DAB1: variants seen among roughly 807,000 people sequenced by gnomAD.
DAB1 encodes DAB adaptor protein 1, also known as disabled homolog 1.
A neutral mutation model predicts 64.6 loss-of-function variants in DAB1; 15 were observed. The observed-to-expected ratio is 0.23, with a 90% CI of 0.16 to 0.36. The LOEUF is 0.36. Ranked by LOEUF, DAB1 falls within the 10% of genes least tolerant of loss-of-function variation. DAB1 has a pLI of 1.00. For synonymous variants in DAB1, 235 were observed against 251.9 expected (o/e 0.93, Z 0.64); for missense variants, 596 against 706.7 (o/e 0.84, Z 1.78).
At chr1:57,667,804 C>T (rs1200066635) in intron 6 of DAB1, among the ~76,000 whole-genome samples, 1 of 152,108 alleles carries the variant, frequency 6.6e-6, no homozygotes, top group Non-Finnish European at 1.5e-5. Context: ...CATATCCTCA[C>T]TCATAAGTGA....
At chr1:58,472,495 A>T (rs1410698748) in intron 3 of DAB1, among the ~76,000 whole-genome samples, 1 of 152,238 alleles carries the variant, frequency 6.6e-6, no homozygotes, top group Non-Finnish European at 1.5e-5. Flanking sequence ...CGTGGGTAAA[A>T]GAGGGAGAAG....
chr1:58,105,244 G>A (rs1651563736), intron 5 of DAB1, among the ~76,000 whole-genome samples: 1 of 152,176 alleles, frequency 6.6e-6, no homozygotes, highest in South Asian at 2.1e-4. Context: ...TGCCTTCTGG[G>A]CTTAAGAATA....
chr1:57,392,690 A>G (rs948419961), intron 1 of DAB1, among the ~76,000 whole-genome samples: 2 of 152,260 alleles, frequency 1.3e-5, no homozygotes, highest in African/African-American at 4.8e-5. Flanking sequence ...TGAGGAGGGT[A>G]GAGAAAATGT....
intron 7 of DAB1, chr1:57,070,800 G>C (rs770962615): frequency 7.0e-6 from 4 of 568,254 alleles, no homozygotes; most frequent in Non-Finnish European, 1.3e-5. Flanking sequence ...GGCAAGAAGG[G>C]AGAAGCGGAT....
At chr1:58,194,380 A>C (rs1657555136) in intron 4 of DAB1, among the ~76,000 whole-genome samples, 1 of 152,248 alleles carries the variant, frequency 6.6e-6, no homozygotes, top group Non-Finnish European at 1.5e-5. Flanking sequence ...TAAAATCAAT[A>C]GTTTCATACC....
chr1:58,007,383 T>G (rs550674846), intron 5 of DAB1, among the ~76,000 whole-genome samples: 1 of 152,200 alleles, frequency 6.6e-6, no homozygotes, highest in Non-Finnish European at 1.5e-5. Context: ...ACATATAACA[T>G]CCTGCTAATT....
At chr1:57,480,262 A>G (rs923199224) in intron 7 of DAB1, among the ~76,000 whole-genome samples, 3 of 152,098 alleles carry the variant, frequency 2.0e-5, no homozygotes, top group African/African-American at 7.2e-5. Context: ...CTGAGCATTT[A>G]CAAATGGGTA....
At chr1:57,070,889 C>T (rs1651391093) in intron 7 of DAB1, 134 bp downstream of exon 7, 2 of 805,734 alleles carry the variant, frequency 2.5e-6, no homozygotes, top group African/African-American at 1.7e-5. Context: ...GGCTGGCAGC[C>T]CTCACCCTCA....
intron 6 of DAB1, among the ~76,000 whole-genome samples, chr1:57,779,398 C>A (rs1156541371): frequency 1.3e-5 from 2 of 152,108 alleles, no homozygotes; most frequent in East Asian, 1.9e-4. Flanking sequence ...CAGTCAGGGA[C>A]CACCAATTCT....
intron 4 of DAB1, among the ~76,000 whole-genome samples, chr1:58,298,167 T>C (rs1662036284): frequency 6.6e-6 from 1 of 152,230 alleles, no homozygotes. Context: ...TGCTGCTCAT[T>C]AGCAACTTCA....
intron 1 of DAB1, among the ~76,000 whole-genome samples, chr1:57,837,701 C>T (rs1652866796): frequency 6.6e-6 from 1 of 152,100 alleles, no homozygotes; most frequent in Non-Finnish European, 1.5e-5. Flanking sequence ...TTCCCCCATA[C>T]ACACATGCTT....
chr1:57,431,657 T>C (rs1685520770), intron 7 of DAB1, among the ~76,000 whole-genome samples: 1 of 152,218 alleles, frequency 6.6e-6, no homozygotes, highest in Non-Finnish European at 1.5e-5. Context: ...CAATTGTATT[T>C]ATGCCACCAA....
intron 7 of DAB1, among the ~76,000 whole-genome samples, chr1:57,434,673 A>G (rs1685625716): frequency 6.6e-6 from 1 of 152,230 alleles, no homozygotes. Flanking sequence ...ACAAACCCAG[A>G]TGGTATATAG....
chr1:57,490,336 T>C (rs1644146214), intron 7 of DAB1, among the ~76,000 whole-genome samples: 1 of 152,208 alleles, frequency 6.6e-6, no homozygotes, highest in Non-Finnish European at 1.5e-5. Context: ...CAAGGTTAGC[T>C]TCTGGAAGAT....
rs534578935 is a variant in DAB1 at position 57,045,697 on chromosome 1, CA to C, written c.723+17186del. The stretch of plus-strand genomic sequence containing the variant: ...TGGGTGACAGAGCGAGACTCCATCT[CA>C]AAAAAATAAAAAAGGAAAAAGAAAG... On this transcript the variant is annotated intron_variant, in intron 9 of 14. Transcript: ENST00000371236. 8.6e-5 allele frequency among the ~76,000 whole-genome samples: 13 copies of C among 151,282 alleles called. No homozygotes were observed. The South Asian group carries it at 1.5e-3, about 17-fold the overall frequency.
intron 4 of DAB1, among the ~76,000 whole-genome samples, chr1:58,290,097 T>C (rs1661778566): frequency 6.6e-6 from 1 of 152,178 alleles, no homozygotes; most frequent in African/African-American, 2.4e-5. Context: ...CTAGAGATAA[T>C]GGCATAGGAC....
intron 4 of DAB1, among the ~76,000 whole-genome samples, chr1:58,212,652 G>A (rs1658617364): frequency 6.6e-6 from 1 of 152,142 alleles, no homozygotes; most frequent in South Asian, 2.1e-4. Context: ...GCTGGTGGGG[G>A]AAACTTAAAC....
In DAB1 at chr1:58,172,155, C is replaced by T. The variant is rs565092232; in HGVS notation, n.310-21567G>A. ...CCAGAGGCAGAAACAGCCTTCAAAA[C>T]CTTAAAGCAGGCCCTAGTACAACCT... On this transcript the variant is annotated intron_variant and non_coding_transcript_variant, in intron 4 of 20. Transcript: ENST00000485760. Among the ~76,000 whole-genome samples, 6 of 152,306 alleles carry T rather than the reference C, an allele frequency of 3.9e-5. No homozygotes were observed. The East Asian group carries it at 7.7e-4, about 20-fold the overall frequency.
chr1:57,593,319 T>C (rs1645468466), intron 7 of DAB1, among the ~76,000 whole-genome samples: 1 of 152,224 alleles, frequency 6.6e-6, no homozygotes, highest in African/African-American at 2.4e-5. Flanking sequence ...ATCCATGTTA[T>C]AGAAAGTGTC....
Sources: gnomAD v4.1 joint callset for allele counts (sites outside exome capture counted in the v4.1 genomes callset) on GRCh38, gnomAD v4.1.1 for gene constraint, MANE v1.5 for transcripts, NCBI Gene and HGNC (gene_info 2026-07-23, HGNC 2026-07-21) for gene names.